The following UBOX5 variants were observed in gnomAD, a reference collection of about 807,000 sequenced individuals.
The protein encoded by UBOX5 is RING finger protein 37.
UBOX5 carries 28 observed loss-of-function variants against 39.0 expected under a neutral mutation model. The observed-to-expected ratio is 0.72, with a 90% CI of 0.53 to 0.98. The LOEUF is 0.98. UBOX5 is among the 50% of genes least tolerant of loss of function. The pLI, the probability that UBOX5 is intolerant of heterozygous loss-of-function variation, is 0.00. For missense variants in UBOX5, 585 were observed against 674.4 expected (o/e 0.87, Z 1.47); for synonymous variants, 283 against 275.5 (o/e 1.03, Z -0.27).
In UBOX5 at chr20:3,108,348, T is replaced by G. The variant is rs1158019989; in HGVS notation, c.*1758A>C. On this transcript the variant is annotated 3_prime_UTR_variant, in exon 5 of 5. Transcript: ENST00000217173. ...GTCTCGAACTCTTGACCTCAAGTGA[T>G]CCACCCACCTTGGCCTCCCAAAGTG... 6.6e-6 allele frequency: 1 copy of G among 152,226 alleles called. No individual in the cohort carries two copies. The highest frequency in any genetic ancestry group is 2.4e-5 in the African/African-American group (1 of 41,418). The allele number at this position is 152,226 out of a possible 1,614,324, so 9.4% of individuals were successfully genotyped here.
Position 3,149,150 on chromosome 20 carries a change from T to TCA in UBOX5, c.-42+10615_-42+10616insTG. 6.7e-7 allele frequency: 1 copy of TCA among 1,482,750 alleles called. No individual in the cohort carries two copies. The highest frequency in any genetic ancestry group is 9.1e-7 in the Non-Finnish European group (1 of 1,100,648). 91.8% of individuals were successfully genotyped at this position (1,482,750 alleles called of 1,614,324 possible). On this transcript the variant is annotated intron_variant, in intron 1 of 4. Coordinates refer to ENST00000217173, the MANE Select transcript of UBOX5 (RefSeq NM_014948.4). This position sits in a 1 kb window ranked among gnomAD's most constrained non-coding sequence, Gnocchi z 4.1. ...ACCAGGCAATTTCTTGTTTATATGGTGCTTGATTAGAGCTGGACGGGGAGG... is the reference window on the plus strand; with the variant it reads ...ACCAGGCAATTTCTTGTTTATATGGTCAGCTTGATTAGAGCTGGACGGGGAGG...
intron 4 of UBOX5, among the ~76,000 whole-genome samples, chr20:3,113,806 T>C (rs541911661): frequency 4.7e-4 from 72 of 152,186 alleles, no homozygotes; most frequent in African/African-American, 1.7e-3. Flanking sequence ...GGAGGGCAGA[T>C]GTGAGCAGTA....
intron 2 of UBOX5, among the ~76,000 whole-genome samples, 172 bp from the exon 3 acceptor site, chr20:3,122,756 A>G (rs1199233853): frequency 6.6e-6 from 1 of 152,198 alleles, no homozygotes; most frequent in African/African-American, 2.4e-5. Context: ...ATTGTCCCAG[A>G]TCGGGGCCCC....
chr20:3,141,571 G>A (rs1007934142), intron 1 of UBOX5, among the ~76,000 whole-genome samples: 4 of 152,076 alleles, frequency 2.6e-5, no homozygotes, highest in Admixed American at 6.5e-5. Context: ...ACTTGAACCC[G>A]GGAGGCGGAG....
At chr20:3,146,700 G>A in intron 1 of UBOX5, 1 of 1,495,470 alleles carries the variant, frequency 6.7e-7, no homozygotes. Context: ...TTACATTCTG[G>A]CTTTTATAAT....
chr20:3,148,905 C>A lies in UBOX5; in HGVS notation c.-42+10861G>T, dbSNP rs138163389. 10 of 1,614,154 alleles carry A rather than the reference C, an allele frequency of 6.2e-6. No individual in the cohort carries two copies. In the African/African-American group the frequency reaches 1.2e-4, roughly 19 times the overall value. On this transcript the variant is annotated intron_variant, in intron 1 of 4. Coordinates refer to ENST00000217173, the MANE Select transcript of UBOX5 (RefSeq NM_014948.4). ...GAGAAGGTGCTACATATGTTCTTAACTTTTTTGGCAGAATGGCAGAGGCTA... is the reference window on the plus strand; with the variant it reads ...GAGAAGGTGCTACATATGTTCTTAAATTTTTTGGCAGAATGGCAGAGGCTA...
chr20:3,137,888 G>C (rs1195995625), intron 1 of UBOX5, among the ~76,000 whole-genome samples: 1 of 152,154 alleles, frequency 6.6e-6, no homozygotes, highest in East Asian at 1.9e-4. Context: ...TAAGCTCACT[G>C]CCCACACTGT....
chr20:3,116,684 C>A (rs951686660), intron 3 of UBOX5: 2 of 152,180 alleles, frequency 1.3e-5, no homozygotes, highest in Non-Finnish European at 2.9e-5. Flanking sequence ...AGAATTTACT[C>A]TTAAAACCAA....
At position 3,139,772 on chromosome 20, in the gene UBOX5, C is replaced by T. The variant is rs547058209; in HGVS notation, c.-41-16366G>A. The stretch of plus-strand genomic sequence containing the variant: ...TCACCTCGGCTGGAGAGCAATGGTA[C>T]GATCTTGGCTCACTGCAACCTCCGT... On this transcript the variant is annotated intron_variant, in intron 1 of 4. Coordinates refer to ENST00000217173, the MANE Select transcript of UBOX5 (RefSeq NM_014948.4). 5.3e-5 allele frequency among the ~76,000 whole-genome samples: 8 copies of T among 151,628 alleles called. No individual in the cohort carries two copies. In the South Asian group the frequency reaches 8.3e-4, roughly 16 times the overall value.
At chr20:3,157,491 T>A (rs2066698336) in intron 1 of UBOX5, among the ~76,000 whole-genome samples, 1 of 152,222 alleles carries the variant, frequency 6.6e-6, no homozygotes, top group Non-Finnish European at 1.5e-5. Context: ...GCCCTTCCGC[T>A]TCTCTTTTAA....
chr20:3,148,465 A>G (rs1470217500), intron 1 of UBOX5: 1 of 1,614,168 alleles, frequency 6.2e-7, no homozygotes, highest in South Asian at 1.1e-5. Context: ...GATCTTGGGT[A>G]TCAAAGAGCT....
chr20:3,110,241 C>T lies in UBOX5; in HGVS notation c.1491G>A (p.Glu497=), dbSNP rs1437972435. The T allele has an allele frequency of 1.9e-6, 3 of 1,614,034 alleles. No individual in the cohort carries two copies. Among genetic ancestry groups the T allele is most frequent in the Non-Finnish European group, 2.5e-6 (3 of 1,180,046 alleles). The change falls in exon 5 of 5, where the codon GAG becomes GAA. Residue 497 remains glutamate (E), a synonymous_variant. Coordinates refer to ENST00000217173, the MANE Select transcript of UBOX5 (RefSeq NM_014948.4). ...GGCCGCAGGGCAGCTGGTACACCGG[C>T]TCCTTTTTGAAGTAGGGAGAAAATA... ...KRVFSPYFKK[E]PVYQLPCGHL...
chr20:3,126,647 GAGAGAAGAC>G (rs2066391609), intron 1 of UBOX5, among the ~76,000 whole-genome samples: 1 of 151,128 alleles, frequency 6.6e-6, no homozygotes, highest in Non-Finnish European at 1.5e-5. Flanking sequence ...GGGAGGGAGG[GAGAGAAGAC>G]AGAGAAGGAG....
At chr20:3,128,667 GC>G (rs1470422887) in intron 1 of UBOX5, among the ~76,000 whole-genome samples, 1 of 152,080 alleles carries the variant, frequency 6.6e-6, no homozygotes, top group Non-Finnish European at 1.5e-5. Context: ...TTCGAGATCA[GC>G]CCGGGCAACA....
At chr20:3,148,623 T>C in intron 1 of UBOX5, 1 of 1,614,228 alleles carries the variant, frequency 6.2e-7, no homozygotes, top group African/African-American at 1.3e-5. Flanking sequence ...ACTCTGACTT[T>C]GTGCAAAATT....
At chr20:3,156,139 C>T (rs1436651056) in intron 1 of UBOX5, among the ~76,000 whole-genome samples, 3 of 151,002 alleles carry the variant, frequency 2.0e-5, no homozygotes, top group Non-Finnish European at 2.9e-5. Context: ...GGAAAGAGAA[C>T]ACTATGAGAT....
At chr20:3,114,703 G>A (rs568730722) in intron 4 of UBOX5, among the ~76,000 whole-genome samples, 4 of 152,212 alleles carry the variant, frequency 2.6e-5, no homozygotes, top group South Asian at 2.1e-4. Context: ...TAATCTCAGC[G>A]CTTTGCGAGG....
At chr20:3,147,745 A>C in intron 1 of UBOX5, 1 of 1,614,240 alleles carries the variant, frequency 6.2e-7, no homozygotes, top group South Asian at 1.1e-5. Context: ...TGGGTGGCTT[A>C]TAATTCAGAG....
At chr20:3,140,063 C>T (rs1308057133) in intron 1 of UBOX5, among the ~76,000 whole-genome samples, 16 of 140,926 alleles carry the variant, frequency 1.1e-4, no homozygotes, top group African/African-American at 4.0e-4. Context: ...ACTCTGTCAC[C>T]CAGGCTGGAG....
Sources: gnomAD v4.1 joint callset for allele counts (sites outside exome capture counted in the v4.1 genomes callset) on GRCh38, gnomAD v4.1.1 for gene constraint, Gnocchi (gnomAD v3.1) non-coding constraint, MANE v1.5 for transcripts, NCBI Gene and HGNC (gene_info 2026-07-23, HGNC 2026-07-21) for gene names.